Variants in MSH3 observed in about 807,000 individuals in gnomAD.
The protein encoded by MSH3 is mutS homolog 3, also known as DNA mismatch repair protein Msh3.
Under a neutral mutation model 123.3 loss-of-function variants are expected in MSH3, and 106 were observed. The ratio of observed to expected loss-of-function variants is 0.86; its 90% CI spans 0.73 to 1.01. The LOEUF is 1.01. MSH3 is among the 50% of genes least tolerant of loss of function. The probability of loss-of-function intolerance (pLI) is 0.00; values close to 1 mark genes in which losing one functional copy is unlikely to be tolerated. For synonymous variants in MSH3, 515 were observed against 481.4 expected (o/e 1.07, Z -0.91); for missense variants, 1,459 against 1,347.6 (o/e 1.08, Z -1.29).
At chr5:80,722,740 G>A (rs1751107725) in intron 8 of MSH3, among the ~76,000 whole-genome samples, 2 of 152,274 alleles carry the variant, frequency 1.3e-5, no homozygotes, top group African/African-American at 4.8e-5. Context: ...GAATATACCA[G>A]CTTTGATAAT....
chr5:80,863,507 A>G (rs937902158), intron 21 of MSH3, among the ~76,000 whole-genome samples: 2 of 151,976 alleles, frequency 1.3e-5, no homozygotes, highest in African/African-American at 4.8e-5. Context: ...CGTCTCTACT[A>G]AAAAATAGAA....
At chr5:80,800,421 G>T (rs1353601559) in intron 19 of MSH3, among the ~76,000 whole-genome samples, 1 of 152,088 alleles carries the variant, frequency 6.6e-6, no homozygotes, top group East Asian at 1.9e-4. Flanking sequence ...CTGGCTATTT[G>T]GTTAGAACAT....
At chr5:80,858,536 G>C (rs950883691) in intron 21 of MSH3, among the ~76,000 whole-genome samples, 2 of 152,018 alleles carry the variant, frequency 1.3e-5, no homozygotes, top group Admixed American at 6.6e-5. Context: ...TTTTTGTTAT[G>C]ATTCCTAGTT....
At chr5:80,678,886 A>G (rs1242244873) in intron 7 of MSH3, 41 bp from the exon 8 acceptor site, 6 of 1,610,132 alleles carry the variant, frequency 3.7e-6, no homozygotes. Context: ...AACTGGGGAA[A>G]TACATTTTTT....
intron 18 of MSH3, among the ~76,000 whole-genome samples, chr5:80,788,636 C>A (rs1035233798): frequency 2.6e-5 from 4 of 151,842 alleles, no homozygotes; most frequent in Non-Finnish European, 5.9e-5. Flanking sequence ...CATATTGAGA[C>A]CCTATCTCTA....
At chr5:80,684,867 A>G (rs1263025615) in intron 8 of MSH3, among the ~76,000 whole-genome samples, 2 of 152,176 alleles carry the variant, frequency 1.3e-5, no homozygotes, top group East Asian at 1.9e-4. Flanking sequence ...AGTTTTTATT[A>G]TGAAGCGTTG....
intron 8 of MSH3, 100 bp downstream of exon 8, chr5:80,679,193 CA>C: frequency 7.9e-7 from 1 of 1,260,452 alleles, no homozygotes; most frequent in South Asian, 1.2e-5. Flanking sequence ...TTTTTACTTA[CA>C]AAAATTATAT....
intron 20 of MSH3, among the ~76,000 whole-genome samples, chr5:80,846,915 G>A (rs1745732931): frequency 1.3e-5 from 2 of 152,068 alleles, no homozygotes; most frequent in African/African-American, 2.4e-5. Flanking sequence ...CCGTCCATAG[G>A]CTGCACCCAC....
intron 3 of MSH3, among the ~76,000 whole-genome samples, chr5:80,668,159 G>A (rs1749613477): frequency 6.6e-6 from 1 of 152,188 alleles, no homozygotes; most frequent in African/African-American, 2.4e-5. Flanking sequence ...CTCTCCGCAG[G>A]CAGGTTGTCT....
chr5:80,739,689 T>C (rs1743577204), intron 10 of MSH3, among the ~76,000 whole-genome samples: 1 of 152,202 alleles, frequency 6.6e-6, no homozygotes, highest in African/African-American at 2.4e-5. Context: ...AGATTATCGT[T>C]CTTTGGAAGC....
intron 8 of MSH3, among the ~76,000 whole-genome samples, chr5:80,724,312 T>C (rs574249912): frequency 2.0e-5 from 3 of 152,168 alleles, no homozygotes; most frequent in Admixed American, 1.3e-4. Flanking sequence ...CTTTCAAGAA[T>C]TATTAAGTGA....
At chr5:80,691,865 A>G (rs10036808) in intron 8 of MSH3, among the ~76,000 whole-genome samples, 10,902 of 133,440 alleles carry the variant, frequency 0.082, 1,009 homozygotes, top group African/African-American at 0.12. Context: ...ATAGCTAAAC[A>G]TGTATGTTTA....
Position 80,670,188 on chromosome 5 carries a change from G to A in MSH3, c.671G>A (p.Arg224Gln), listed in dbSNP as rs772141055. 8.1e-6 allele frequency: 13 copies of A among 1,613,846 alleles called. No homozygotes were observed. The highest frequency in any genetic ancestry group is 6.7e-5 in the African/African-American group (5 of 74,872). Reference protein sequence around the residue: ...QKTASKSANKRSKSIYTPLEL... With the variant: ...QKTASKSANKQSKSIYTPLEL... The stretch of plus-strand genomic sequence containing the variant: ...ACTGCTTCCAAATCAGCTAACAAAC[G>A]GTCCAAAAGCATCTATACGCCGCTA... Residue 224 changes from arginine to glutamine, a missense_variant, in exon 4 of 24, where the codon CGG becomes CAG. Physicochemically the swap from Arg to Gln is conservative, Grantham distance 43. Coordinates refer to ENST00000265081, the MANE Select transcript of MSH3 (RefSeq NM_002439.5).
intron 8 of MSH3, among the ~76,000 whole-genome samples, chr5:80,709,545 C>T (rs886503595): frequency 7.2e-5 from 11 of 152,102 alleles, no homozygotes; most frequent in Non-Finnish European, 1.6e-4. Flanking sequence ...TGGTGTGAAC[C>T]CGGGAGGCGG....
chr5:80,746,606 A>G, intron 12 of MSH3: 1 of 359,896 alleles, frequency 2.8e-6, no homozygotes, highest in Non-Finnish European at 5.5e-6. Context: ...TGTTCGCATC[A>G]TCCTCGGGAG....
At chr5:80,687,716 AG>A (rs1370193931) in intron 8 of MSH3, among the ~76,000 whole-genome samples, 1 of 152,192 alleles carries the variant, frequency 6.6e-6, no homozygotes, top group East Asian at 1.9e-4. Context: ...TGAGAAAGAA[AG>A]GGTGAAGGCC....
At chr5:80,755,889 A>G (rs1244493460) in intron 12 of MSH3, among the ~76,000 whole-genome samples, 1 of 152,152 alleles carries the variant, frequency 6.6e-6, no homozygotes, top group Non-Finnish European at 1.5e-5. Flanking sequence ...GCCTGAGGAA[A>G]ACGTTTCTAA....
intron 20 of MSH3, among the ~76,000 whole-genome samples, chr5:80,842,125 G>A (rs1259081292): frequency 6.6e-6 from 1 of 152,124 alleles, no homozygotes; most frequent in Non-Finnish European, 1.5e-5. Context: ...TCTACATATG[G>A]CTAGCCAGTT....
chr5:80,814,616 A>G (rs916044964), intron 20 of MSH3, among the ~76,000 whole-genome samples: 6 of 152,218 alleles, frequency 3.9e-5, no homozygotes, highest in African/African-American at 1.4e-4. Context: ...TCAATATTTA[A>G]GCAGATAAAA....
Sources: allele counts gnomAD v4.1 joint callset (sites outside exome capture counted in the v4.1 genomes callset), GRCh38; gene constraint gnomAD v4.1.1; transcripts MANE v1.5; gene names NCBI Gene and HGNC (gene_info 2026-07-23, HGNC 2026-07-21).